The following RHPN1 variants were observed in gnomAD, a reference collection of about 807,000 sequenced individuals.
RHPN1 encodes the protein rhophilin-1.
In RHPN1, 77 loss-of-function variants were observed where a neutral mutation model predicts 74.7. That is an observed-to-expected ratio of 1.03 (90% CI 0.86 to 1.25). RHPN1 has a LOEUF of 1.25. RHPN1 is among the 50% of genes most tolerant of loss of function. The probability of loss-of-function intolerance (pLI) is 0.00; values close to 1 mark genes in which losing one functional copy is unlikely to be tolerated. For missense variants in RHPN1, 987 were observed against 932.2 expected (o/e 1.06, Z -0.77); for synonymous variants, 444 against 414.5 (o/e 1.07, Z -0.87).
chr8:143,376,371 CT>C (rs1249253474), intron 2 of RHPN1, among the ~76,000 whole-genome samples, 153 bp from the exon 3 acceptor site: 9 of 152,366 alleles, frequency 5.9e-5, no homozygotes, highest in African/African-American at 1.9e-4. Flanking sequence ...ACTGCTGCCC[CT>C]GCCCCACCCA....
upstream of RHPN1, among the ~76,000 whole-genome samples, chr8:143,364,967 G>C (rs556978259): frequency 6.6e-6 from 1 of 152,180 alleles, no homozygotes; most frequent in Non-Finnish European, 1.5e-5. The surrounding 1 kb of genome is among the most constrained non-coding windows in gnomAD (Gnocchi z 4.5). Flanking sequence ...TGCAGCGGGA[G>C]AGCGTGTTCT....
chr8:143,380,782 G>A lies in RHPN1; in HGVS notation c.1410G>A (p.Gln470=). Reference sequence around the variant, plus strand: ...AGGCTGCCGAGGCCCCGGACATCCAGCGTGAGCAGCCAGGGCCTGTCTGGG... The same window carrying A: ...AGGCTGCCGAGGCCCCGGACATCCAACGTGAGCAGCCAGGGCCTGTCTGGG... ...FCEAAEAPDI[Q]PKTHQKPEAR... The change falls in exon 11 of 15, where the codon CAG becomes CAA. Residue 470 remains glutamine, a splice_region_variant and synonymous_variant. Transcript: ENST00000289013. 6.4e-7 allele frequency: 1 copy of A among 1,563,058 alleles called. No individual in the cohort carries two copies. Among genetic ancestry groups the A allele is most frequent in the Admixed American group, 1.8e-5 (1 of 54,664 alleles).
In RHPN1 at chr8:143,380,758, G is replaced by T. The variant is rs773687939; in HGVS notation, c.1386G>T (p.Glu462Asp). 6.3e-7 allele frequency: 1 copy of T among 1,584,318 alleles called. No individual in the cohort carries two copies. Among genetic ancestry groups the T allele is most frequent in the Non-Finnish European group, 8.6e-7 (1 of 1,164,470 alleles). ...TCGACCGTGAGGATGACTTCTGTGA[G>T]GCTGCCGAGGCCCCGGACATCCAGC... Reference protein sequence around the residue: ...AELDREDDFCEAAEAPDIQPK... With the variant: ...AELDREDDFCDAAEAPDIQPK... The change falls in exon 11 of 15, where the codon GAG becomes GAT. Residue 462 changes from glutamate (E) to aspartate (D), a missense_variant. By Grantham distance (45) the Glu-to-Asp change is conservative (BLOSUM62 2). Coordinates refer to ENST00000289013, the MANE Select transcript of RHPN1 (RefSeq NM_052924.3).
chr8:143,382,728 A>T lies in RHPN1; in HGVS notation c.*77A>T. 5 of 1,269,554 alleles carry T rather than the reference A, an allele frequency of 3.9e-6. No homozygotes were observed. Among genetic ancestry groups the T allele is most frequent in the Non-Finnish European group, 5.4e-6 (5 of 917,712 alleles). 78.6% of individuals were successfully genotyped at this position (1,269,554 alleles called of 1,614,324 possible). A position where few individuals can be genotyped will look rare whatever the true frequency, so the allele number is the denominator to read the frequency against. On this transcript the variant is annotated 3_prime_UTR_variant, in exon 15 of 15. Coordinates refer to ENST00000289013, the MANE Select transcript of RHPN1 (RefSeq NM_052924.3). The stretch of plus-strand genomic sequence containing the variant: ...CGAGCATGCCCTCCCCACCCAGAGG[A>T]CCTCCGGGCAATGCCTGTCCCGCCT...
rs1360787748 is a variant in RHPN1 at position 143,378,431 on chromosome 8, G to A, written c.459+85G>A. ...GAAGCTGAAGTCAGGAACAGACAGA[G>A]GAGCTCAGCGTAGACATCTCGAGGA... On this transcript the variant is annotated intron_variant, in intron 5 of 14. Coordinates refer to ENST00000289013, the MANE Select transcript of RHPN1 (RefSeq NM_052924.3). 4.5e-6 allele frequency: 5 copies of A among 1,120,432 alleles called. No homozygotes were observed. In the African/African-American group the frequency reaches 4.9e-5, roughly 11 times the overall value. The allele number at this position is 1,120,432 out of a possible 1,614,324, so 69.4% of individuals were successfully genotyped here.
chr8:143,376,481 C>T, intron 2 of RHPN1, 44 bp from the exon 3 acceptor site: 3 of 1,605,472 alleles, frequency 1.9e-6, no homozygotes, highest in African/African-American at 1.3e-5. Context: ...GGGCCTTTGG[C>T]TCTGCCTTGG....
intron 3 of RHPN1, among the ~76,000 whole-genome samples, chr8:143,376,960 G>T (rs748786483): frequency 1.1e-4 from 17 of 151,476 alleles, no homozygotes; most frequent in Non-Finnish European, 2.2e-4. Flanking sequence ...GTGTGTCTGT[G>T]TGCACGTGTC....
upstream of RHPN1, chr8:143,366,667 G>A (rs1302980658): frequency 9.2e-5 from 14 of 152,172 alleles, no homozygotes; most frequent in Admixed American, 8.5e-4. Flanking sequence ...TTTTCCTTCA[G>A]GAAACAGCAC....
At chr8:143,381,756 G>C in intron 13 of RHPN1, 38 bp downstream of exon 13, 1 of 1,605,552 alleles carries the variant, frequency 6.2e-7, no homozygotes, top group Non-Finnish European at 8.5e-7. Context: ...TGAGTCCTTG[G>C]TGCCAGCCAG....
chr8:143,368,686 C>T (rs1416934761), upstream of RHPN1: 1 of 233,072 alleles, frequency 4.3e-6, no homozygotes, highest in African/African-American at 2.3e-5. Flanking sequence ...GGTTACCGTC[C>T]CGCGGGCGGG....
rs3814772 is a variant in RHPN1, at chr8:143,383,115, C to A, written c.*464C>A. ...CAGCCAGACACACCCACAGCACCCG[C>A]AGACCTCTAGGCCGGGTCCCAGACA... On this transcript the variant is annotated 3_prime_UTR_variant, in exon 15 of 15. Transcript: ENST00000289013. 21,171 of 205,768 alleles carry A rather than the reference C, an allele frequency of 0.1. 1,197 individuals are homozygous for A. The highest frequency in any genetic ancestry group is 0.15 in the African/African-American group (6,565 of 42,714). 12.7% of individuals were successfully genotyped at this position (205,768 alleles called of 1,614,324 possible).
At chr8:143,380,560 T>C (rs1367858149) in intron 10 of RHPN1, 29 bp from the exon 11 acceptor site, 4 of 1,464,080 alleles carry the variant, frequency 2.7e-6, no homozygotes, top group Non-Finnish European at 3.6e-6. Context: ...GCCCACATGG[T>C]GTGTGACATC....
At position 143,381,981 on chromosome 8, in the gene RHPN1, GGCCCCA is replaced by G; in HGVS notation, c.1797+15_1797+20del. On this transcript the variant is annotated intron_variant, in intron 14 of 14. Transcript: ENST00000289013. ...ACTGCCCAGCTTGGTGAGCCCCTGG[GGCCCCA>G]GAGGGGCGGTCCCCAGCTTGCTGTC... The G allele has an allele frequency of 6.4e-7, 1 of 1,564,032 alleles. No individual in the cohort carries two copies.
chr8:143,365,876 G>T (rs907502244), upstream of RHPN1, among the ~76,000 whole-genome samples: 4 of 151,864 alleles, frequency 2.6e-5, no homozygotes, highest in African/African-American at 7.3e-5. Flanking sequence ...GCATGCAAGC[G>T]GTCCCTGCTA....
At chr8:143,376,376 C>A in intron 2 of RHPN1, 149 bp from the exon 3 acceptor site, 1 of 1,173,858 alleles carries the variant, frequency 8.5e-7, no homozygotes. Context: ...TGCCCCTGCC[C>A]CACCCATGGG....
chr8:143,376,196 A>G (rs1264112021), intron 2 of RHPN1, among the ~76,000 whole-genome samples: 1 of 152,190 alleles, frequency 6.6e-6, no homozygotes, highest in Non-Finnish European at 1.5e-5. Flanking sequence ...TGTGGCTCTC[A>G]CCCACCATCC....
Position 143,376,668 on chromosome 8 carries a change from C to T in RHPN1, c.305+15C>T, listed in dbSNP as rs777165710. 49 of 1,553,250 alleles carry T rather than the reference C, an allele frequency of 3.2e-5. No homozygotes were observed. The highest frequency in any genetic ancestry group is 3.7e-5 in the Non-Finnish European group (42 of 1,148,948). On this transcript the variant is annotated intron_variant, in intron 3 of 14. Coordinates refer to ENST00000289013, the MANE Select transcript of RHPN1 (RefSeq NM_052924.3). The stretch of plus-strand genomic sequence containing the variant: ...CGGCATGGGAGGTGCGGGTGGGGGC[C>T]GGGACAGCACGTGCGTGTATGTGTG...
At chr8:143,382,299 G>A in intron 14 of RHPN1, 137 bp from the exon 15 acceptor site, 6 of 767,676 alleles carry the variant, frequency 7.8e-6, no homozygotes, top group Non-Finnish European at 8.4e-6. Context: ...CTGCTATGTG[G>A]CCACCCTGAT....
At chr8:143,381,541 G>T in intron 12 of RHPN1, 31 bp from the exon 13 acceptor site, 2 of 1,590,976 alleles carry the variant, frequency 1.3e-6, no homozygotes, top group Non-Finnish European at 8.5e-7. Flanking sequence ...GTGTGGCCCA[G>T]CTGGGCCTCT....
Sources: allele counts gnomAD v4.1 joint callset (sites outside exome capture counted in the v4.1 genomes callset), GRCh38; gene constraint gnomAD v4.1.1; non-coding constraint Gnocchi (gnomAD v3.1); transcripts MANE v1.5; gene names NCBI Gene and HGNC (gene_info 2026-07-23, HGNC 2026-07-21).